The following ERG variants were observed in gnomAD, a reference collection of about 807,000 sequenced individuals.
The protein encoded by ERG is transcriptional regulator ERG.
A neutral mutation model predicts 55.3 loss-of-function variants in ERG; 9 were observed. The ratio of observed to expected loss-of-function variants is 0.16; its 90% CI spans 0.10 to 0.28. The LOEUF (loss-of-function observed/expected upper bound fraction) is 0.28. ERG is among the 10% of genes least tolerant of loss of function. The pLI, the probability that ERG is intolerant of heterozygous loss-of-function variation, is 1.00. For missense variants in ERG, 434 were observed against 631.6 expected (o/e 0.69, Z 3.35); for synonymous variants, 223 against 237.3 (o/e 0.94, Z 0.55).
intron 2 of ERG, among the ~76,000 whole-genome samples, chr21:38,568,816 T>G (rs1469438971): frequency 1.3e-5 from 2 of 152,038 alleles, no homozygotes; most frequent in African/African-American, 2.4e-5. Flanking sequence ...CTGCTACAGG[T>G]GAGTGGACCT....
intron 1 of ERG, among the ~76,000 whole-genome samples, chr21:38,635,058 C>T (rs1238475051): frequency 6.6e-6 from 1 of 152,180 alleles, no homozygotes; most frequent in Non-Finnish European, 1.5e-5. Context: ...GAAAAGCCTA[C>T]ATACTATATG....
chr21:38,542,257 G>A (rs2059758571), intron 2 of ERG, among the ~76,000 whole-genome samples: 1 of 152,124 alleles, frequency 6.6e-6, no homozygotes, highest in South Asian at 2.1e-4. Context: ...CAAAGTGCTG[G>A]GATTACAGGC....
Position 38,591,702 on chromosome 21 carries a change from C to G in ERG, c.-149-6757G>C, listed in dbSNP as rs868844054. 2.0e-5 allele frequency among the ~76,000 whole-genome samples: 3 copies of G among 151,988 alleles called. No homozygotes were observed. In the South Asian group the frequency reaches 6.2e-4, roughly 32 times the overall value. On this transcript the variant is annotated intron_variant, in intron 1 of 10. Coordinates refer to the ERG transcript ENST00000398910. ...GTGAGACTCCTCAAAACAAACCAACCAACAAACAAACAAAACCAAAAAAAC... is the reference window on the plus strand; with the variant it reads ...GTGAGACTCCTCAAAACAAACCAACGAACAAACAAACAAAACCAAAAAAAC...
intron 6 of ERG, among the ~76,000 whole-genome samples, chr21:38,392,883 A>G (rs1988041802): frequency 6.6e-6 from 1 of 152,156 alleles, no homozygotes. Flanking sequence ...ATCAAATGAC[A>G]TTCAGCTTCT....
chr21:38,627,235 A>G (rs1016211803), intron 1 of ERG, among the ~76,000 whole-genome samples: 10 of 152,324 alleles, frequency 6.6e-5, no homozygotes, highest in Non-Finnish European at 1.3e-4. Flanking sequence ...AAAACAAACA[A>G]AATGAACAAT....
At chr21:38,427,637 G>C (rs1989896806) in intron 2 of ERG, among the ~76,000 whole-genome samples, 2 of 152,098 alleles carry the variant, frequency 1.3e-5, no homozygotes, top group Non-Finnish European at 2.9e-5. Flanking sequence ...ACTCCACAAA[G>C]TAAAGGCAAG....
intron 1 of ERG, among the ~76,000 whole-genome samples, chr21:38,597,364 A>G (rs1339893184): frequency 6.6e-6 from 1 of 152,182 alleles, no homozygotes; most frequent in African/African-American, 2.4e-5. Context: ...CTCTATATCT[A>G]TATACATATA....
upstream of ERG, among the ~76,000 whole-genome samples, chr21:38,589,269 G>A (rs887678549): frequency 2.6e-5 from 4 of 152,226 alleles, no homozygotes; most frequent in Non-Finnish European, 4.4e-5. Flanking sequence ...ACTCCCACCA[G>A]CAATGCCAAG....
At chr21:38,506,319 AGT>A (rs1443877612) in intron 2 of ERG, among the ~76,000 whole-genome samples, 1 of 152,214 alleles carries the variant, frequency 6.6e-6, no homozygotes, top group African/African-American at 2.4e-5. Flanking sequence ...TACTGACGTC[AGT>A]GCTAGTGCCT....
At chr21:38,606,522 T>A (rs1568945365) in intron 1 of ERG, among the ~76,000 whole-genome samples, 3 of 152,050 alleles carry the variant, frequency 2.0e-5, no homozygotes, top group Non-Finnish European at 4.4e-5. Flanking sequence ...ATAAGTAGAT[T>A]TTAGTAGATG....
At chr21:38,650,156 T>C (rs2060480205) in intron 1 of ERG, among the ~76,000 whole-genome samples, 1 of 152,150 alleles carries the variant, frequency 6.6e-6, no homozygotes, top group Non-Finnish European at 1.5e-5. Flanking sequence ...AAGAGTGAAA[T>C]TCCCTTATTA....
chr21:38,562,000 A>G (rs1039873405), intron 2 of ERG, among the ~76,000 whole-genome samples: 9 of 152,206 alleles, frequency 5.9e-5, no homozygotes, highest in Non-Finnish European at 1.3e-4. Context: ...TTTCTCTGCT[A>G]TTTACAGCCT....
At chr21:38,491,641 A>G (rs1406317424) in intron 1 of ERG, among the ~76,000 whole-genome samples, 1 of 152,238 alleles carries the variant, frequency 6.6e-6, no homozygotes, top group East Asian at 1.9e-4. Flanking sequence ...CTCTGTACTT[A>G]TCTGTGTACA....
chr21:38,568,519 G>A (rs2059937241), intron 2 of ERG, among the ~76,000 whole-genome samples: 1 of 152,144 alleles, frequency 6.6e-6, no homozygotes, highest in African/African-American at 2.4e-5. Context: ...ATGAGCAAAA[G>A]TATAAAAGCC....
In ERG at chr21:38,381,183, C is replaced by T. The variant is rs1333351211; in HGVS notation, c.*2220G>A. ...ACAGCACAGAGGTTTGGCAACTTCACATAATCATAGCAAAAGGACTGCAAC... is the reference window on the plus strand; with the variant it reads ...ACAGCACAGAGGTTTGGCAACTTCATATAATCATAGCAAAAGGACTGCAAC... On this transcript the variant is annotated 3_prime_UTR_variant, in exon 10 of 10. Coordinates refer to ENST00000288319, the MANE Select transcript of ERG (RefSeq NM_182918.4). 9.4e-7 allele frequency: 1 copy of T among 1,065,046 alleles called. No individual in the cohort carries two copies. The highest frequency in any genetic ancestry group is 1.1e-6 in the Non-Finnish European group (1 of 879,192). The allele number at this position is 1,065,046 out of a possible 1,614,324, so 66.0% of individuals were successfully genotyped here.
chr21:38,419,459 A>G (rs1989438379), intron 3 of ERG, among the ~76,000 whole-genome samples: 2 of 152,232 alleles, frequency 1.3e-5, no homozygotes, highest in African/African-American at 4.8e-5. Flanking sequence ...TCGAAGCCAA[A>G]TAACACCTAC....
upstream of ERG, among the ~76,000 whole-genome samples, chr21:38,501,707 C>T (rs867590502): frequency 2.5e-3 from 379 of 152,224 alleles, 1 homozygote; most frequent in African/African-American, 8.8e-3. Flanking sequence ...GCAGTAATCA[C>T]CACACTAGAC....
At chr21:38,641,196 G>C (rs1279804291) in intron 1 of ERG, among the ~76,000 whole-genome samples, 4 of 152,140 alleles carry the variant, frequency 2.6e-5, no homozygotes, top group Non-Finnish European at 4.4e-5. Flanking sequence ...TAGGAGCTGG[G>C]GGGCCTTTGG....
intron 2 of ERG, among the ~76,000 whole-genome samples, chr21:38,425,715 C>G (rs899263615): frequency 6.6e-6 from 1 of 152,172 alleles, no homozygotes; most frequent in African/African-American, 2.4e-5. Context: ...GCCAATGAAG[C>G]CTCATTTATC....
Sources: allele counts gnomAD v4.1 joint callset (sites outside exome capture counted in the v4.1 genomes callset), GRCh38; gene constraint gnomAD v4.1.1; transcripts MANE v1.5; gene names NCBI Gene and HGNC (gene_info 2026-07-23, HGNC 2026-07-21).